Variants in NBEA observed in about 807,000 individuals in gnomAD.
The protein encoded by NBEA is neurobeachin, also known as lysosomal-trafficking regulator 2.
A neutral mutation model predicts 343.4 loss-of-function variants in NBEA; 44 were observed. The ratio of observed to expected loss-of-function variants is 0.13; its 90% CI spans 0.10 to 0.16. The LOEUF (loss-of-function observed/expected upper bound fraction) is 0.16, where lower values mean the gene tolerates loss of function less well. Ranked by LOEUF, NBEA falls within the 10% of genes least tolerant of loss-of-function variation. The pLI is 1.00. For missense variants in NBEA, 2,555 were observed against 3,631.3 expected (o/e 0.70, Z 7.62); for synonymous variants, 1,175 against 1,238.7 (o/e 0.95, Z 1.08).
intron 38 of NBEA, among the ~76,000 whole-genome samples, chr13:35,415,543 T>C (rs2043853829): frequency 6.6e-6 from 1 of 152,206 alleles, no homozygotes; most frequent in African/African-American, 2.4e-5. Context: ...CAGATAGTTG[T>C]AGATGTATGG....
At chr13:34,963,439 G>A (rs2059721138) in intron 1 of NBEA, among the ~76,000 whole-genome samples, 1 of 151,818 alleles carries the variant, frequency 6.6e-6, no homozygotes, top group South Asian at 2.1e-4. Flanking sequence ...ATGCCATTAG[G>A]CTGTACTGTG....
chr13:35,582,153 G>A (rs996207629), intron 45 of NBEA, among the ~76,000 whole-genome samples: 6 of 151,970 alleles, frequency 3.9e-5, no homozygotes, highest in Admixed American at 6.6e-5. Context: ...GGGCATGGTG[G>A]CGGGCGCCTG....
At chr13:34,953,071 G>A (rs781388705) in intron 1 of NBEA, among the ~76,000 whole-genome samples, 3 of 152,180 alleles carry the variant, frequency 2.0e-5, no homozygotes, top group Non-Finnish European at 2.9e-5. Context: ...GATGATGACA[G>A]TGATAGAATC....
chr13:35,376,438 T>C (rs2152887965), intron 38 of NBEA, among the ~76,000 whole-genome samples: 1 of 152,328 alleles, frequency 6.6e-6, no homozygotes, highest in South Asian at 2.1e-4. Flanking sequence ...AGAACTACTG[T>C]CACTTAAACT....
chr13:35,181,509 T>G (rs1374185902), intron 28 of NBEA, among the ~76,000 whole-genome samples: 1 of 140,444 alleles, frequency 7.1e-6, no homozygotes, highest in Non-Finnish European at 1.6e-5. Context: ...TTTGGATGAG[T>G]TTTTTTTTTT....
chr13:35,392,921 T>C (rs1452142651), intron 38 of NBEA, among the ~76,000 whole-genome samples: 2 of 152,218 alleles, frequency 1.3e-5, no homozygotes, highest in Non-Finnish European at 2.9e-5. Context: ...ATTGTGGTTA[T>C]TAATGACCTC....
intron 39 of NBEA, among the ~76,000 whole-genome samples, chr13:35,447,450 G>T (rs1238243073): frequency 6.6e-6 from 1 of 151,676 alleles, no homozygotes; most frequent in African/African-American, 2.4e-5. Flanking sequence ...TTTCTGCAAT[G>T]CAATATTCTG....
intron 34 of NBEA, among the ~76,000 whole-genome samples, chr13:35,288,634 A>G (rs1237301953): frequency 1.3e-5 from 2 of 151,930 alleles, no homozygotes; most frequent in African/African-American, 4.8e-5. Flanking sequence ...AGGGTTTTTT[A>G]TAAGTTCATT....
intron 33 of NBEA, among the ~76,000 whole-genome samples, chr13:35,214,667 T>G (rs1281558494): frequency 6.6e-6 from 1 of 151,764 alleles, no homozygotes; most frequent in Non-Finnish European, 1.5e-5. Flanking sequence ...TTCTTAAAAT[T>G]GTTAATAACA....
At chr13:34,993,273 C>T (rs1029255134) in intron 1 of NBEA, among the ~76,000 whole-genome samples, 4 of 152,138 alleles carry the variant, frequency 2.6e-5, no homozygotes, top group African/African-American at 9.7e-5. Context: ...CATGGCCTCT[C>T]CTGATAAGAT....
chr13:35,335,227 T>C (rs760139524), intron 36 of NBEA, among the ~76,000 whole-genome samples: 11 of 152,192 alleles, frequency 7.2e-5, no homozygotes, highest in Non-Finnish European at 1.3e-4. Context: ...AGTAACATGC[T>C]GTTTTGGTTA....
At chr13:35,211,501 G>A (rs1007973359) in intron 33 of NBEA, among the ~76,000 whole-genome samples, 2 of 152,054 alleles carry the variant, frequency 1.3e-5, no homozygotes, top group Non-Finnish European at 2.9e-5. Context: ...CATCTTTGGG[G>A]GGTGATAAAA....
chr13:35,616,995 T>C (rs867376888), intron 48 of NBEA, among the ~76,000 whole-genome samples: 1 of 152,262 alleles, frequency 6.6e-6, no homozygotes, highest in South Asian at 2.1e-4. Context: ...GATTCATATG[T>C]AATTCAGTGA....
intron 41 of NBEA, among the ~76,000 whole-genome samples, chr13:35,480,019 AGTTT>A (rs1162886621): frequency 1.3e-5 from 2 of 148,880 alleles, no homozygotes; most frequent in Non-Finnish European, 3.0e-5. Context: ...GCATTTACTT[AGTTT>A]ATGAGGCAGG....
In NBEA at chr13:35,155,761, C is replaced by G. The variant is rs535839399; in HGVS notation, c.2446-13C>G. ...TTGTTTTCTAAATGAAGTTCAAATT[C>G]TTCATTTTTCAGATCTTGACAGAAC... On this transcript the variant is annotated splice_polypyrimidine_tract_variant and intron_variant, in intron 18 of 58. Coordinates refer to ENST00000379939, the MANE Select transcript of NBEA (RefSeq NM_001385012.1). 2 of 1,583,940 alleles carry G rather than the reference C, an allele frequency of 1.3e-6. No homozygotes were observed. The highest frequency in any genetic ancestry group is 1.7e-6 in the Non-Finnish European group (2 of 1,154,256).
At chr13:35,099,025 CTTTTTT>C (rs35150346) in intron 11 of NBEA, among the ~76,000 whole-genome samples, 1 of 125,866 alleles carries the variant, frequency 7.9e-6, no homozygotes, top group Non-Finnish European at 1.7e-5. Context: ...TTCACTTAGA[CTTTTTT>C]TTTTTTTTTT....
chr13:35,224,864 G>A (rs893157165), intron 33 of NBEA, among the ~76,000 whole-genome samples: 2 of 152,090 alleles, frequency 1.3e-5, no homozygotes, highest in Non-Finnish European at 1.5e-5. Flanking sequence ...AGTCGTATTT[G>A]TGCTCTAAAT....
intron 55 of NBEA, among the ~76,000 whole-genome samples, chr13:35,664,440 A>G (rs1022454596): frequency 2.6e-5 from 4 of 152,254 alleles, no homozygotes; most frequent in African/African-American, 4.8e-5. Flanking sequence ...AGAACAACCT[A>G]TATGGGTGAT....
chr13:35,213,516 A>G (rs367845536), intron 33 of NBEA, among the ~76,000 whole-genome samples: 6 of 152,066 alleles, frequency 3.9e-5, no homozygotes, highest in African/African-American at 1.2e-4. Context: ...GTAATGGAGT[A>G]TTTGGATCTA....
Sources: allele counts gnomAD v4.1 joint callset (sites outside exome capture counted in the v4.1 genomes callset), GRCh38; gene constraint gnomAD v4.1.1; transcripts MANE v1.5; gene names NCBI Gene and HGNC (gene_info 2026-07-23, HGNC 2026-07-21).